TIMM23: variants seen among roughly 807,000 people sequenced by gnomAD.
The protein encoded by TIMM23 is mitochondrial import inner membrane translocase subunit Tim23.
A neutral mutation model predicts 30.7 loss-of-function variants in TIMM23; 19 were observed. The observed-to-expected ratio is 0.62, with a 90% CI of 0.43 to 0.91. TIMM23 has a LOEUF of 0.91. Among genes scored for constraint, TIMM23 ranks in the 40% least tolerant of loss-of-function variants. The probability of loss-of-function intolerance (pLI) is 0.00; values close to 1 mark genes in which losing one functional copy is unlikely to be tolerated. For synonymous variants in TIMM23, 78 were observed against 98.5 expected (o/e 0.79, Z 1.23); for missense variants, 202 against 269.2 (o/e 0.75, Z 1.75).
chr10:45,988,310 C>T (rs1382660211), intron 5 of TIMM23, among the ~76,000 whole-genome samples: 5 of 152,086 alleles, frequency 3.3e-5, no homozygotes, highest in African/African-American at 7.2e-5. Context: ...GTATGGGGTA[C>T]GATCTTTTCT....
intron 2 of TIMM23, among the ~76,000 whole-genome samples, chr10:45,979,764 CTTCA>C (rs1837790196): frequency 6.6e-6 from 1 of 151,914 alleles, no homozygotes; most frequent in Non-Finnish European, 1.5e-5. Flanking sequence ...CAATTTAAAG[CTTCA>C]TTATTTTTGA....
At chr10:45,997,836 G>A (rs1328271836) in intron 6 of TIMM23, among the ~76,000 whole-genome samples, 1 of 152,104 alleles carries the variant, frequency 6.6e-6, no homozygotes, top group Non-Finnish European at 1.5e-5. Flanking sequence ...GTAGATGTTG[G>A]TAATAGCACA....
chr10:46,000,462 C>T (rs1259696568), intron 6 of TIMM23, among the ~76,000 whole-genome samples: 1 of 152,172 alleles, frequency 6.6e-6, no homozygotes. Flanking sequence ...TCAAGCAGTC[C>T]GCCCACCTTG....
intron 1 of TIMM23, 75 bp from the exon 2 acceptor site, chr10:45,975,375 ACAGT>A: frequency 6.6e-7 from 1 of 1,526,550 alleles, no homozygotes; most frequent in East Asian, 2.3e-5. Flanking sequence ...AACACATGTA[ACAGT>A]CAGGAGCTGG....
In TIMM23 at chr10:45,980,917, CTT is replaced by C. The variant is rs587622147; in HGVS notation, c.166-1593_166-1592del. On this transcript the variant is annotated intron_variant, in intron 2 of 6. Coordinates refer to ENST00000580018, the MANE Select transcript of TIMM23 (RefSeq NM_006327.4). ...CTTGCTTGATAATGTTCATCACAGCCTTTTTTTTTTTTTTAAGTTTTCTTTTC... is the reference window on the plus strand; with the variant it reads ...CTTGCTTGATAATGTTCATCACAGCCTTTTTTTTTTTTAAGTTTTCTTTTC... Among the ~76,000 whole-genome samples the C allele has an allele frequency of 7.3e-5, 10 of 137,606 alleles. No homozygotes were observed. In the South Asian group the frequency reaches 1.4e-3, roughly 19 times the overall value. The allele number at this position is 137,606 out of a possible 152,430, so 90.3% of individuals were successfully genotyped here.
chr10:45,985,265 G>C, intron 4 of TIMM23, 118 bp from the exon 5 acceptor site: 1 of 936,532 alleles, frequency 1.1e-6, no homozygotes, highest in Non-Finnish European at 1.7e-6. Flanking sequence ...ATGTATTTTA[G>C]AATTTAAAAA....
chr10:45,981,095 C>T (rs1339457623), intron 2 of TIMM23, among the ~76,000 whole-genome samples: 1 of 148,596 alleles, frequency 6.7e-6, no homozygotes, highest in African/African-American at 2.5e-5. Context: ...CACACTGCCA[C>T]GCCCAGCTAA....
chr10:45,993,541 G>A (rs1437633784), intron 6 of TIMM23, among the ~76,000 whole-genome samples: 3 of 151,810 alleles, frequency 2.0e-5, no homozygotes, highest in Admixed American at 6.6e-5. Flanking sequence ...GCGATAGAGC[G>A]AGTCTGTCTC....
At chr10:46,002,559 C>T in intron 6 of TIMM23, 1 of 924,706 alleles carries the variant, frequency 1.1e-6, no homozygotes, top group Non-Finnish European at 1.3e-6. Flanking sequence ...ACCTTGTTTA[C>T]ATTACAGACT....
chr10:45,992,877 C>T (rs1256577547), intron 6 of TIMM23, among the ~76,000 whole-genome samples: 2 of 151,986 alleles, frequency 1.3e-5, no homozygotes, highest in Non-Finnish European at 2.9e-5. Flanking sequence ...TTTAAAGTGG[C>T]TCTATCTTCT....
At position 45,985,246 on chromosome 10, in the gene TIMM23, G is replaced by A; in HGVS notation, c.345-137G>A. On this transcript the variant is annotated intron_variant, in intron 4 of 6. Transcript: ENST00000580018. ...AAAAACCATCCTTATTGAAATCGGA[G>A]ATATTAAGATGTATTTTAGAATTTA... The A allele has an allele frequency of 4.1e-6, 3 of 723,050 alleles. No individual in the cohort carries two copies. In the South Asian group the frequency reaches 5.3e-5, roughly 13 times the overall value. 44.8% of individuals were successfully genotyped at this position (723,050 alleles called of 1,614,324 possible).
In TIMM23 at chr10:45,979,268, G is replaced by C. The variant is rs1554913636; in HGVS notation, c.166-3255G>C. 2.6e-5 allele frequency among the ~76,000 whole-genome samples: 4 copies of C among 152,332 alleles called. 1 individual carries two copies. The highest frequency in any genetic ancestry group is 2.6e-4 in the Admixed American group (4 of 15,304). ...TGTACGCTCTAAGTAAGTGGATTGTGTGATACATGAGATACAGATCAGTAA... is the reference window on the plus strand; with the variant it reads ...TGTACGCTCTAAGTAAGTGGATTGTCTGATACATGAGATACAGATCAGTAA... On this transcript the variant is annotated intron_variant, in intron 2 of 6. Coordinates refer to ENST00000580018, the MANE Select transcript of TIMM23 (RefSeq NM_006327.4).
chr10:45,985,002 C>T, intron 4 of TIMM23, among the ~76,000 whole-genome samples: 1 of 152,248 alleles, frequency 6.6e-6, no homozygotes, highest in East Asian at 1.9e-4. Flanking sequence ...CCATAGTTAA[C>T]AGTGGCATTT....
intron 2 of TIMM23, among the ~76,000 whole-genome samples, chr10:45,978,540 G>T (rs1837745307): frequency 6.6e-6 from 1 of 152,168 alleles, no homozygotes; most frequent in Admixed American, 6.5e-5. Flanking sequence ...GTCTAATAAT[G>T]ACATGAAAGC....
chr10:45,980,881 G>A (rs1837820043), intron 2 of TIMM23, among the ~76,000 whole-genome samples: 3 of 148,126 alleles, frequency 2.0e-5, no homozygotes, highest in African/African-American at 4.9e-5. Context: ...TGGTGCTAAC[G>A]TGCACTTTTG....
intron 6 of TIMM23, among the ~76,000 whole-genome samples, chr10:46,001,892 T>G (rs1838550702): frequency 6.6e-6 from 1 of 152,204 alleles, no homozygotes; most frequent in Non-Finnish European, 1.5e-5. Context: ...TTTGAGAAAT[T>G]TATCTGTAGC....
intron 6 of TIMM23, chr10:45,992,420 C>T: frequency 2.2e-6 from 1 of 455,976 alleles, no homozygotes. Context: ...AGTTTCTAAA[C>T]CCTGCATTAA....
intron 2 of TIMM23, among the ~76,000 whole-genome samples, chr10:45,976,668 C>T (rs1179318735): frequency 6.6e-6 from 1 of 151,964 alleles, no homozygotes; most frequent in East Asian, 1.9e-4. Flanking sequence ...ATGCCATCTA[C>T]AGAATATCCA....
intron 5 of TIMM23, among the ~76,000 whole-genome samples, chr10:45,986,804 C>CGTGTGT (rs1161990914): frequency 1.7e-3 from 259 of 149,496 alleles, no homozygotes; most frequent in African/African-American, 4.1e-3. Context: ...ACTAGAAATA[C>CGTGTGT]GTGTGTGTGT....
Sources: gnomAD v4.1 joint callset for allele counts (sites outside exome capture counted in the v4.1 genomes callset) on GRCh38, gnomAD v4.1.1 for gene constraint, MANE v1.5 for transcripts, NCBI Gene and HGNC (gene_info 2026-07-23, HGNC 2026-07-21) for gene names.